MYCBP2: variants seen among roughly 807,000 people sequenced by gnomAD.
MYCBP2 encodes the protein MYC binding protein 2, also known as E3 ubiquitin-protein ligase MYCBP2.
MYCBP2 carries 120 observed loss-of-function variants against 525.3 expected under a neutral mutation model. The observed-to-expected ratio is 0.23, with a 90% CI of 0.20 to 0.27. The LOEUF is 0.27. Among genes scored for constraint, MYCBP2 ranks in the 10% least tolerant of loss-of-function variants. The pLI, the probability that MYCBP2 is intolerant of heterozygous loss-of-function variation, is 1.00. For synonymous variants in MYCBP2, 1,894 were observed against 1,955.8 expected (o/e 0.97, Z 0.83); for missense variants, 4,149 against 5,657.1 (o/e 0.73, Z 8.55).
intron 26 of MYCBP2, among the ~76,000 whole-genome samples, chr13:77,200,058 C>T (rs1173261299): frequency 6.6e-6 from 1 of 152,156 alleles, no homozygotes; most frequent in African/African-American, 2.4e-5. Context: ...CTTTGACGAG[C>T]TGAGAGAAGA....
In MYCBP2 at chr13:77,149,054, C is replaced by G. The variant is rs569062925; in HGVS notation, c.7131+1680G>C. Among the ~76,000 whole-genome samples, 6 of 152,104 alleles carry G rather than the reference C, an allele frequency of 3.9e-5. No homozygotes were observed. In the South Asian group the frequency reaches 1.0e-3, roughly 26 times the overall value. On this transcript the variant is annotated intron_variant, in intron 47 of 82. Transcript: ENST00000544440. ...TCTCAATTACCTCCTAATCAGCACT[C>G]AAATATGTAACTCTATCTCTATTAA... is the stretch of plus-strand genomic sequence containing the variant.
rs548121856 is a variant in MYCBP2, at chr13:77,121,225, C to T, written c.8140+148G>A. Reference sequence around the variant, plus strand: ...AAAAACAATACTATGAAAAGAACACCTTTGTAAACATTTTTTATTAGCTTT... The same window carrying T: ...AAAAACAATACTATGAAAAGAACACTTTTGTAAACATTTTTTATTAGCTTT... On this transcript the variant is annotated intron_variant, in intron 55 of 82. Coordinates refer to ENST00000544440, the MANE Select transcript of MYCBP2 (RefSeq NM_015057.5). 7.4e-5 allele frequency: 58 copies of T among 785,524 alleles called. No individual in the cohort carries two copies. The African/African-American group carries it at 9.3e-4, about 13-fold the overall frequency. The allele number at this position is 785,524 out of a possible 1,614,324, so 48.7% of individuals were successfully genotyped here.
chr13:77,138,163 A>G (rs2054044469), intron 52 of MYCBP2, among the ~76,000 whole-genome samples: 1 of 152,206 alleles, frequency 6.6e-6, no homozygotes, highest in Non-Finnish European at 1.5e-5. Flanking sequence ...CAACACTCTA[A>G]ATCTTCTTGA....
chr13:77,274,559 A>T (rs1594557655), intron 4 of MYCBP2, among the ~76,000 whole-genome samples: 1 of 152,168 alleles, frequency 6.6e-6, no homozygotes, highest in African/African-American at 2.4e-5. Flanking sequence ...CTAAAATGCC[A>T]CCTGTGGGTT....
chr13:77,089,885 C>A (rs936222902), intron 60 of MYCBP2, among the ~76,000 whole-genome samples: 2 of 152,062 alleles, frequency 1.3e-5, no homozygotes, highest in African/African-American at 4.8e-5. Flanking sequence ...TATTCTCGAA[C>A]AATCACTGAA....
At chr13:77,130,894 A>C (rs963653724) in intron 52 of MYCBP2, among the ~76,000 whole-genome samples, 5 of 152,196 alleles carry the variant, frequency 3.3e-5, no homozygotes, top group African/African-American at 1.2e-4. Flanking sequence ...AAGCAATGTG[A>C]TGACTGGTTG....
rs766903910 is a variant in MYCBP2, at chr13:77,097,930, T to C, written c.9224A>G (p.Gln3075Arg). 6.2e-7 allele frequency: 1 copy of C among 1,612,914 alleles called. No individual in the cohort carries two copies. Among genetic ancestry groups the C allele is most frequent in the Non-Finnish European group, 8.5e-7 (1 of 1,179,634 alleles). ...HAPIRSSLNS[Q>R]QPTEEKETKL... is the part of the protein sequence containing the mutation. ...GGTTTCTTTTTCCTCTGTAGGTTGT[T>C]GGCTATTTAAACTACTCCTTATAGG... The change falls in exon 56 of 83, where the codon CAA becomes CGA. Residue 3075 changes from glutamine to arginine, a missense_variant. Gln to Arg is a conservative substitution (Grantham distance 43). Coordinates refer to ENST00000544440, the MANE Select transcript of MYCBP2 (RefSeq NM_015057.5).
At chr13:77,100,570 A>G (rs1288009689) in intron 55 of MYCBP2, among the ~76,000 whole-genome samples, 2 of 152,100 alleles carry the variant, frequency 1.3e-5, no homozygotes, top group Non-Finnish European at 2.9e-5. Flanking sequence ...CAAGGGTTAG[A>G]TGCTTGCAAA....
intron 2 of MYCBP2, among the ~76,000 whole-genome samples, chr13:77,290,388 A>G (rs1355893696): frequency 2.0e-5 from 3 of 152,218 alleles, no homozygotes; most frequent in African/African-American, 7.2e-5. Context: ...ATAAAAACTT[A>G]TGTTCACACA....
chr13:77,301,574 C>A (rs1389000436), intron 1 of MYCBP2, among the ~76,000 whole-genome samples: 4 of 152,106 alleles, frequency 2.6e-5, no homozygotes, highest in African/African-American at 9.7e-5. Flanking sequence ...ATCTGTCTGA[C>A]ACAGCAAAGA....
chr13:77,179,543 T>C (rs1162730369), intron 34 of MYCBP2, among the ~76,000 whole-genome samples: 1 of 152,358 alleles, frequency 6.6e-6, no homozygotes, highest in East Asian at 1.9e-4. Context: ...TTTGTGATAA[T>C]GTACAACTAA....
chr13:77,101,518 C>G (rs1407647840), intron 55 of MYCBP2, among the ~76,000 whole-genome samples: 1 of 152,026 alleles, frequency 6.6e-6, no homozygotes, highest in Non-Finnish European at 1.5e-5. Context: ...AGGAACACCA[C>G]TTGTCATATG....
rs557681413 is a variant in MYCBP2, at chr13:77,201,581, A to G, written c.3843+3675T>C. Among the ~76,000 whole-genome samples the G allele has an allele frequency of 2.6e-5, 4 of 151,508 alleles. No homozygotes were observed. In the East Asian group the frequency reaches 7.8e-4, roughly 29 times the overall value. On this transcript the variant is annotated intron_variant, in intron 26 of 82. Transcript: ENST00000544440. ...ACAGAACTCTCCACCCCAAATCAAC[A>G]GAATATACATTTTTTTCAGCACCAC...
At chr13:77,267,692 A>T in intron 8 of MYCBP2, 149 bp downstream of exon 8, 1 of 654,066 alleles carries the variant, frequency 1.5e-6, no homozygotes, top group South Asian at 1.8e-5. Context: ...CTTCACGTAG[A>T]CTATAAAATG....
intron 6 of MYCBP2, 77 bp from the exon 7 acceptor site, chr13:77,270,140 T>A: frequency 7.0e-7 from 1 of 1,430,036 alleles, no homozygotes; most frequent in Non-Finnish European, 9.6e-7. Context: ...AATGGGTGAA[T>A]GACATTTAAT....
chr13:77,095,590 T>G lies in MYCBP2; in HGVS notation c.9967A>C (p.Arg3323=), dbSNP rs144862453. The change falls in exon 58 of 83, where the codon AGG becomes CGG. Residue 3323 remains arginine, a synonymous_variant. Coordinates refer to ENST00000544440, the MANE Select transcript of MYCBP2 (RefSeq NM_015057.5). ...AAAREKVKQS[R]RKPMQVKTPR... Reference sequence around the variant, plus strand: ...GTCTTGACTTGCATTGGTTTTCTCCTAGATTGTTTGACCTGGCGAAGAAAA... The same window carrying G: ...GTCTTGACTTGCATTGGTTTTCTCCGAGATTGTTTGACCTGGCGAAGAAAA... 18 of 1,612,474 alleles carry G rather than the reference T, an allele frequency of 1.1e-5. No homozygotes were observed. The African/African-American group carries it at 2.3e-4, about 20-fold the overall frequency.
rs556841732 is a variant in MYCBP2, at chr13:77,083,090, T to C, written c.10978A>G (p.Ile3660Val). ...GGGAGAGACATCATAAGGTCTGAGA[T>C]GGTCTGCAGCAAGCGGTGAAAGGTG... ...PHTFHRLLQT[I>V]SDLMMSLPSG... Residue 3660 changes from isoleucine to valine, a missense_variant, in exon 63 of 83, where the codon ATC (isoleucine) becomes GTC (valine). Ile to Val is a conservative substitution (Grantham distance 29). Around this residue, in one of 21 missense-constraint regions of MYCBP2, gnomAD observed 509 missense variants for 789.4 expected, o/e 0.64. Coordinates refer to ENST00000544440, the MANE Select transcript of MYCBP2 (RefSeq NM_015057.5). The C allele has an allele frequency of 1.3e-5, 21 of 1,613,576 alleles. No individual in the cohort carries two copies. The highest frequency in any genetic ancestry group is 2.7e-5 in the African/African-American group (2 of 74,974).
At position 77,095,578 on chromosome 13, in the gene MYCBP2, T is replaced by C. The variant is rs750172424; in HGVS notation, c.9979A>G (p.Met3327Val). 29 of 1,613,340 alleles carry C rather than the reference T, an allele frequency of 1.8e-5. No homozygotes were observed. The highest frequency in any genetic ancestry group is 2.2e-5 in the East Asian group (1 of 44,872). ...AAGGCACGAGGGGTCTTGACTTGCA[T>C]TGGTTTTCTCCTAGATTGTTTGACC... ...EKVKQSRRKP[M>V]QVKTPRALPT... Residue 3327 changes from methionine to valine, a missense_variant, in exon 58 of 83, where the codon ATG becomes GTG. Met to Val is a conservative substitution (Grantham distance 21, BLOSUM62 1). This residue lies in a region of MYCBP2 where 509 missense variants were observed against 789.4 expected (regional missense o/e 0.64). Transcript: ENST00000544440.
At chr13:77,130,521 G>A (rs1319860920) in intron 52 of MYCBP2, among the ~76,000 whole-genome samples, 4 of 151,944 alleles carry the variant, frequency 2.6e-5, no homozygotes, top group African/African-American at 9.7e-5. Flanking sequence ...TAAACAAAGT[G>A]TCTAATAATA....
Sources: allele counts gnomAD v4.1 joint callset (sites outside exome capture counted in the v4.1 genomes callset), GRCh38; gene constraint gnomAD v4.1.1; regional missense constraint gnomAD v4.1.1; transcripts MANE v1.5; gene names NCBI Gene and HGNC (gene_info 2026-07-23, HGNC 2026-07-21).